The following DCDC2C variants were observed in gnomAD, a reference collection of about 807,000 sequenced individuals.
DCDC2C encodes the protein doublecortin domain containing 2C, also known as doublecortin domain-containing protein 2C.
DCDC2C carries 44 observed loss-of-function variants against 45.0 expected under a neutral mutation model. The observed-to-expected ratio is 0.98, with a 90% CI of 0.77 to 1.26. The LOEUF is 1.26. Ranked by LOEUF, DCDC2C falls within the 50% of genes most tolerant of loss-of-function variation. The pLI, the probability that DCDC2C is intolerant of heterozygous loss-of-function variation, is 0.00. For synonymous variants in DCDC2C, 187 were observed against 178.8 expected (o/e 1.05, Z -0.37); for missense variants, 447 against 468.9 (o/e 0.95, Z 0.43).
At chr2:3,792,111 G>A (rs925394540) in intron 10 of DCDC2C, among the ~76,000 whole-genome samples, 3 of 152,134 alleles carry the variant, frequency 2.0e-5, no homozygotes, top group Admixed American at 6.5e-5. Flanking sequence ...AACAGTGATG[G>A]GATTTTGCTG....
intron 9 of DCDC2C, among the ~76,000 whole-genome samples, chr2:3,783,712 G>A (rs760569335): frequency 1.3e-5 from 2 of 152,204 alleles, no homozygotes; most frequent in Non-Finnish European, 2.9e-5. Context: ...GTGGGGCATC[G>A]CAAGGCCTCT....
rs968225847 is a variant in DCDC2C at position 3,792,217 on chromosome 2, C to T, written c.1065+7117C>T. ...ATAGAACTTGATGCCTGCCTTGTAA[C>T]GCCTAAGCAGCAGGAATAGGCCCTG... On this transcript the variant is annotated intron_variant, in intron 10 of 10. Transcript: ENST00000399143. Among the ~76,000 whole-genome samples the T allele has an allele frequency of 5.1e-4, 77 of 152,262 alleles. 1 individual carries two copies. Among genetic ancestry groups the T allele is most frequent in the Non-Finnish European group, 6.8e-4 (46 of 68,026 alleles).
In DCDC2C at chr2:3,819,681, C is replaced by T. The variant is rs975147179; in HGVS notation, c.1066-27473C>T. ...AAAGCATCTCAGGGTTGCTGCCAAA[C>T]GAGCCATGAACTGGGCTGGGTTTTT... On this transcript the variant is annotated intron_variant, in intron 10 of 10. Transcript: ENST00000399143. 9.2e-5 allele frequency among the ~76,000 whole-genome samples: 14 copies of T among 152,260 alleles called. No homozygotes were observed. The South Asian group carries it at 1.7e-3, about 18-fold the overall frequency.
chr2:3,712,180 G>A (rs184918687), intron 2 of DCDC2C, among the ~76,000 whole-genome samples: 89 of 152,152 alleles, frequency 5.8e-4, no homozygotes, highest in East Asian at 4.1e-3. Context: ...GGAGGGGACC[G>A]TAAGAGTAGC....
chr2:3,734,067 A>G lies in DCDC2C; in HGVS notation c.416+6988A>G, dbSNP rs1475281186. ...TTGCTGGGGTAGTAACAGTGCCTCCAGAAGTTCTGCTATTTGACTGGGCTA... is the reference window on the plus strand; with the variant it reads ...TTGCTGGGGTAGTAACAGTGCCTCCGGAAGTTCTGCTATTTGACTGGGCTA... On this transcript the variant is annotated intron_variant, in intron 3 of 10. Transcript: ENST00000399143. The surrounding 1 kb of genome is among the most constrained non-coding windows in gnomAD (Gnocchi z 4.2). Among the ~76,000 whole-genome samples, 1 of 152,232 alleles carries G rather than the reference A, an allele frequency of 6.6e-6. No homozygotes were observed. Among genetic ancestry groups the G allele is most frequent in the East Asian group, 1.9e-4 (1 of 5,204 alleles).
chr2:3,787,541 C>T (rs936178671), intron 10 of DCDC2C, among the ~76,000 whole-genome samples: 1 of 152,184 alleles, frequency 6.6e-6, no homozygotes, highest in East Asian at 1.9e-4. Context: ...TTCTCAGCAT[C>T]GGGCATGCAC....
intron 3 of DCDC2C, among the ~76,000 whole-genome samples, chr2:3,740,217 ACC>A (rs1166469446): frequency 6.6e-6 from 1 of 152,206 alleles, no homozygotes; most frequent in Non-Finnish European, 1.5e-5. Flanking sequence ...AATTTATTTA[ACC>A]AGTCATCCAT....
rs570430654 is a variant in DCDC2C, at chr2:3,734,390, G to T, written c.416+7311G>T. On this transcript the variant is annotated intron_variant, in intron 3 of 10. Coordinates refer to ENST00000399143, the MANE Select transcript of DCDC2C (RefSeq NM_001287444.2). This position sits in a 1 kb window ranked among gnomAD's most constrained non-coding sequence, Gnocchi z 4.2. ...TACTTAGGGCAGAGGGGTTTCTGAT[G>T]AATCTAATCTAGGATGAGACAATCA... Among the ~76,000 whole-genome samples, 1 of 152,290 alleles carries T rather than the reference G, an allele frequency of 6.6e-6. No homozygotes were observed. The highest frequency in any genetic ancestry group is 2.1e-4 in the South Asian group (1 of 4,830).
At chr2:3,724,369 G>A (rs1428374189) in intron 2 of DCDC2C, among the ~76,000 whole-genome samples, 1 of 152,172 alleles carries the variant, frequency 6.6e-6, no homozygotes, top group African/African-American at 2.4e-5. Context: ...CCTCTCTGCA[G>A]TGACTGTGGC....
intron 10 of DCDC2C, among the ~76,000 whole-genome samples, chr2:3,824,579 A>G (rs778428715): frequency 6.6e-6 from 1 of 152,132 alleles, no homozygotes; most frequent in African/African-American, 2.4e-5. Flanking sequence ...GTTTGTTGTT[A>G]TGGCTACCTT....
chr2:3,783,970 G>T (rs1026563572), intron 9 of DCDC2C, among the ~76,000 whole-genome samples: 1 of 152,086 alleles, frequency 6.6e-6, no homozygotes, highest in African/African-American at 2.4e-5. Flanking sequence ...ATTTACACAA[G>T]TCTCATAAAT....
At chr2:3,841,804 G>A (rs751339521) in intron 10 of DCDC2C, among the ~76,000 whole-genome samples, 26 of 152,160 alleles carry the variant, frequency 1.7e-4, no homozygotes, top group Non-Finnish European at 2.4e-4. Flanking sequence ...CTTTTGCTTG[G>A]CACATAGTCA....
chr2:3,738,687 G>A (rs1402973865), intron 3 of DCDC2C, among the ~76,000 whole-genome samples: 2 of 151,388 alleles, frequency 1.3e-5, no homozygotes, highest in Non-Finnish European at 2.9e-5. Context: ...AGGTATATGT[G>A]TACTGCATGC....
intron 10 of DCDC2C, among the ~76,000 whole-genome samples, chr2:3,794,722 T>C (rs1670911788): frequency 6.6e-6 from 1 of 152,258 alleles, no homozygotes; most frequent in Non-Finnish European, 1.5e-5. Flanking sequence ...TGCATAGTGT[T>C]GCATGGTGTA....
intron 9 of DCDC2C, among the ~76,000 whole-genome samples, chr2:3,784,120 GT>G (rs1042603092): frequency 6.6e-6 from 1 of 152,006 alleles, no homozygotes; most frequent in African/African-American, 2.4e-5. Flanking sequence ...TAAAAATGAG[GT>G]TTTTTTGTTG....
At chr2:3,742,463 C>T (rs960959942) in intron 4 of DCDC2C, among the ~76,000 whole-genome samples, 9 of 152,038 alleles carry the variant, frequency 5.9e-5, no homozygotes, top group Admixed American at 4.6e-4. Context: ...AAATGAATGC[C>T]ATGGGACAGA....
At chr2:3,726,744 C>T (rs1668698594) in intron 2 of DCDC2C, among the ~76,000 whole-genome samples, 1 of 152,200 alleles carries the variant, frequency 6.6e-6, no homozygotes, top group South Asian at 2.1e-4. Context: ...CCAGCCCCCG[C>T]ACCCTGCACT....
At position 3,708,719 on chromosome 2, in the gene DCDC2C, T is replaced by G; in HGVS notation, c.339+119T>G. On this transcript the variant is annotated intron_variant, in intron 2 of 10. Transcript: ENST00000399143. The stretch of plus-strand genomic sequence containing the variant: ...AGCAGTAAATGCCTGCAGAGATGTG[T>G]TGCTCTTGAAGCCAGAACACACTGT... 4.0e-6 allele frequency: 3 copies of G among 750,778 alleles called. No individual in the cohort carries two copies. In the South Asian group the frequency reaches 5.2e-5, roughly 13 times the overall value. 46.5% of individuals were successfully genotyped at this position (750,778 alleles called of 1,614,324 possible). A position where few individuals can be genotyped will look rare whatever the true frequency, so the allele number is the denominator to read the frequency against.
chr2:3,836,815 T>C (rs1247944201), intron 10 of DCDC2C, among the ~76,000 whole-genome samples: 1 of 143,986 alleles, frequency 6.9e-6, no homozygotes, highest in East Asian at 2.1e-4. Context: ...TGAGCCGAGA[T>C]CGCGCCACTG....
Sources: gnomAD v4.1 joint callset for allele counts (sites outside exome capture counted in the v4.1 genomes callset) on GRCh38, gnomAD v4.1.1 for gene constraint, Gnocchi (gnomAD v3.1) non-coding constraint, MANE v1.5 for transcripts, NCBI Gene and HGNC (gene_info 2026-07-23, HGNC 2026-07-21) for gene names.